Variants in XRCC4 observed in about 807,000 individuals in gnomAD.
XRCC4 encodes DNA repair protein XRCC4.
In XRCC4, 28 loss-of-function variants were observed where a neutral mutation model predicts 39.1. The ratio of observed to expected loss-of-function variants is 0.72; its 90% CI spans 0.53 to 0.98. The LOEUF is 0.98. XRCC4 is among the 50% of genes least tolerant of loss of function. The pLI is 0.00. For missense variants in XRCC4, 350 were observed against 376.4 expected, an observed-to-expected ratio of 0.93 and a Z score of 0.58; for synonymous variants, 123 against 126.4, an observed-to-expected ratio of 0.97 and a Z score of 0.18.
the XRCC4 span, among the ~76,000 whole-genome samples, chr5:83,369,177 C>A: frequency 6.6e-6 from 1 of 152,064 alleles, no homozygotes; most frequent in Non-Finnish European, 1.5e-5. Context: ...TTGCAAGAAA[C>A]GGGACCTTCA....
the XRCC4 span, among the ~76,000 whole-genome samples, chr5:83,365,182 C>T: frequency 1.3e-5 from 2 of 152,118 alleles, no homozygotes; most frequent in African/African-American, 4.8e-5. Flanking sequence ...CTGATCTGCT[C>T]AAAAGGCCCT....
At chr5:83,265,494 G>A (rs1753923107) in intron 7 of XRCC4, among the ~76,000 whole-genome samples, 2 of 152,072 alleles carry the variant, frequency 1.3e-5, no homozygotes, top group South Asian at 2.1e-4. Context: ...ATGGCCCCTT[G>A]GCCTTGTTCC....
intron 7 of XRCC4, among the ~76,000 whole-genome samples, chr5:83,292,679 C>T (rs1016939455): frequency 6.6e-6 from 1 of 151,908 alleles, no homozygotes; most frequent in African/African-American, 2.4e-5. Context: ...CTCACTGTTA[C>T]AGGCTAGTTA....
intron 6 of XRCC4, among the ~76,000 whole-genome samples, chr5:83,210,683 A>G (rs537436914): frequency 6.6e-6 from 1 of 152,324 alleles, no homozygotes; most frequent in Non-Finnish European, 1.5e-5. Flanking sequence ...TATATAGAAA[A>G]AAGATCCTAT....
chr5:83,278,888 T>G (rs924161497), intron 7 of XRCC4, among the ~76,000 whole-genome samples: 1 of 150,006 alleles, frequency 6.7e-6, no homozygotes, highest in African/African-American at 2.5e-5. Context: ...CGTAGGGGGC[T>G]GAGGCAGGAG....
Position 83,293,233 on chromosome 5 carries a change from A to G in XRCC4, c.893+34556A>G, listed in dbSNP as rs78239806. 1.4e-4 allele frequency among the ~76,000 whole-genome samples: 22 copies of G among 152,008 alleles called. No individual in the cohort carries two copies. The East Asian group carries it at 4.3e-3, about 29-fold the overall frequency. On this transcript the variant is annotated intron_variant, in intron 7 of 7. Coordinates refer to ENST00000396027, the MANE Select transcript of XRCC4 (RefSeq NM_003401.5). The stretch of plus-strand genomic sequence containing the variant: ...AGTCATATTTCTCTTATGTATCACC[A>G]TAATGTCTTTCTTCCCTTCCAAAGG...
At chr5:83,262,862 C>G (rs778286393) in intron 7 of XRCC4, among the ~76,000 whole-genome samples, 22 of 101,542 alleles carry the variant, frequency 2.2e-4, no homozygotes, top group Non-Finnish European at 2.8e-4. Flanking sequence ...TTTTTTTATA[C>G]TTTAAGTTTC....
intron 3 of XRCC4, among the ~76,000 whole-genome samples, chr5:83,159,322 G>A (rs1749098808): frequency 6.6e-6 from 1 of 152,102 alleles, no homozygotes; most frequent in African/African-American, 2.4e-5. Context: ...TCATTGAGAT[G>A]GGGTTGATGG....
chr5:83,328,596 T>C (rs1283713061), intron 7 of XRCC4, among the ~76,000 whole-genome samples: 1 of 152,114 alleles, frequency 6.6e-6, no homozygotes, highest in Admixed American at 6.6e-5. Context: ...TCTCCATTAT[T>C]TGTAGTTTCA....
intron 6 of XRCC4, among the ~76,000 whole-genome samples, chr5:83,248,190 A>C (rs543366832): frequency 6.6e-6 from 1 of 152,338 alleles, no homozygotes; most frequent in South Asian, 2.1e-4. Flanking sequence ...AGAATGGTAC[A>C]TCTAACAAAA....
intron 2 of XRCC4, among the ~76,000 whole-genome samples, chr5:83,105,505 A>G (rs1746156507): frequency 6.6e-6 from 1 of 152,128 alleles, no homozygotes; most frequent in Non-Finnish European, 1.5e-5. Context: ...TTTGTAACAA[A>G]ACAGGACCAG....
At chr5:83,127,881 T>A (rs1216903640) in intron 3 of XRCC4, among the ~76,000 whole-genome samples, 1 of 38,996 alleles carries the variant, frequency 2.6e-5, no homozygotes, top group African/African-American at 2.0e-4. Context: ...CTAAGTTGAC[T>A]TTTTTTTTTT....
At chr5:83,180,607 G>A (rs187835332) in intron 3 of XRCC4, among the ~76,000 whole-genome samples, 2 of 152,062 alleles carry the variant, frequency 1.3e-5, no homozygotes, top group African/African-American at 2.4e-5. Flanking sequence ...AGAACCTACC[G>A]AATAGCATTT....
intron 7 of XRCC4, among the ~76,000 whole-genome samples, chr5:83,269,151 A>G (rs1195880451): frequency 3.3e-5 from 5 of 152,148 alleles, no homozygotes; most frequent in Admixed American, 1.3e-4. Context: ...ACATACACCA[A>G]TAACTTCCAG....
chr5:83,238,847 G>T (rs16900258), intron 6 of XRCC4, among the ~76,000 whole-genome samples: 2 of 152,100 alleles, frequency 1.3e-5, no homozygotes, highest in Non-Finnish European at 2.9e-5. Context: ...ATTTTTTGAA[G>T]TGTGAAGAAC....
At chr5:83,204,120 A>G (rs1751325699) in intron 5 of XRCC4, among the ~76,000 whole-genome samples, 1 of 152,162 alleles carries the variant, frequency 6.6e-6, no homozygotes, top group African/African-American at 2.4e-5. Flanking sequence ...ATTTTATCTG[A>G]TTAGAGTGTG....
At chr5:83,094,702 G>C (rs1745596334) in intron 1 of XRCC4, among the ~76,000 whole-genome samples, 2 of 149,374 alleles carry the variant, frequency 1.3e-5, no homozygotes, top group South Asian at 4.3e-4. Context: ...CAAAAGAGTT[G>C]AGGTTTCACT....
chr5:83,300,483 C>A (rs561020732), intron 7 of XRCC4, among the ~76,000 whole-genome samples: 2 of 150,990 alleles, frequency 1.3e-5, no homozygotes, highest in Admixed American at 6.6e-5. Context: ...CATAGAATAA[C>A]CTTATGGGCA....
intron 1 of XRCC4, among the ~76,000 whole-genome samples, chr5:83,080,513 G>A (rs564094275): frequency 1.1e-4 from 15 of 140,664 alleles, no homozygotes; most frequent in Non-Finnish European, 9.3e-5. Context: ...GCAACAGAGC[G>A]AGACTCCATC....
Sources: allele counts gnomAD v4.1 joint callset (sites outside exome capture counted in the v4.1 genomes callset), GRCh38; gene constraint gnomAD v4.1.1; transcripts MANE v1.5; gene names NCBI Gene and HGNC (gene_info 2026-07-23, HGNC 2026-07-21).